Variants in ST6GALNAC3 observed in about 807,000 individuals in gnomAD.
ST6GALNAC3 encodes alpha-N-acetylgalactosaminide alpha-2,6-sialyltransferase 3.
ST6GALNAC3 carries 25 observed loss-of-function variants against 32.7 expected under a neutral mutation model. That is an observed-to-expected ratio of 0.76 (90% CI 0.56 to 1.07). The LOEUF is 1.07. ST6GALNAC3 is among the 50% of genes least tolerant of loss of function. The pLI, the probability that ST6GALNAC3 is intolerant of heterozygous loss-of-function variation, is 0.00. For missense variants in ST6GALNAC3, 355 were observed against 382.4 expected, an observed-to-expected ratio of 0.93 and a Z score of 0.60; for synonymous variants, 129 against 133.1, an observed-to-expected ratio of 0.97 and a Z score of 0.21.
chr1:76,398,916 A>T (rs1653193816), intron 2 of ST6GALNAC3, among the ~76,000 whole-genome samples: 1 of 152,140 alleles, frequency 6.6e-6, no homozygotes, highest in Non-Finnish European at 1.5e-5. Context: ...TCTTAATTTC[A>T]GGTAACCTGG....
intron 1 of ST6GALNAC3, among the ~76,000 whole-genome samples, chr1:76,140,602 CTCTT>C (rs1228813455): frequency 1.2e-3 from 181 of 148,872 alleles, no homozygotes; most frequent in Non-Finnish European, 1.6e-3. Flanking sequence ...AAGACTGGGG[CTCTT>C]TCTTTCTTTC....
chr1:76,372,698 T>C (rs933085589), intron 2 of ST6GALNAC3, among the ~76,000 whole-genome samples: 2 of 152,180 alleles, frequency 1.3e-5, no homozygotes, highest in African/African-American at 4.8e-5. Flanking sequence ...AGCATTCATT[T>C]CCATGGCATG....
chr1:76,532,872 TTTTTTAAAAA>T (rs1663346959), intron 3 of ST6GALNAC3, among the ~76,000 whole-genome samples: 1 of 6,938 alleles, frequency 1.4e-4, no homozygotes, highest in African/African-American at 2.0e-4. Flanking sequence ...GAATAATGCT[TTTTTTAAAAA>T]TATCACCAAT....
At chr1:76,560,028 A>G (rs1057029489) in intron 3 of ST6GALNAC3, among the ~76,000 whole-genome samples, 8 of 152,274 alleles carry the variant, frequency 5.3e-5, no homozygotes, top group Admixed American at 4.6e-4. Flanking sequence ...AAACAAATCC[A>G]TGCACCTAAA....
intron 3 of ST6GALNAC3, chr1:76,412,908 A>T (rs1325002752): frequency 3.9e-6 from 1 of 257,008 alleles, no homozygotes; most frequent in Non-Finnish European, 7.8e-6. Flanking sequence ...GATCCTGAAC[A>T]TCATAACTTG....
At chr1:76,524,337 C>G (rs1370418724) in intron 3 of ST6GALNAC3, among the ~76,000 whole-genome samples, 1 of 152,044 alleles carries the variant, frequency 6.6e-6, no homozygotes, top group Non-Finnish European at 1.5e-5. Context: ...AACTAGAACC[C>G]CCAGGGCATT....
At chr1:76,256,751 T>C (rs1047680022) in intron 1 of ST6GALNAC3, among the ~76,000 whole-genome samples, 1 of 151,992 alleles carries the variant, frequency 6.6e-6, no homozygotes, top group African/African-American at 2.4e-5. Flanking sequence ...TTTTTCCTTT[T>C]TGGTCTTCAG....
intron 1 of ST6GALNAC3, among the ~76,000 whole-genome samples, chr1:76,248,163 A>G (rs1456078195): frequency 2.6e-5 from 4 of 152,030 alleles, no homozygotes; most frequent in Non-Finnish European, 5.9e-5. Flanking sequence ...AGACCCATTG[A>G]GATGAACTGG....
At chr1:76,516,353 T>C (rs752565594) in intron 3 of ST6GALNAC3, among the ~76,000 whole-genome samples, 1 of 152,244 alleles carries the variant, frequency 6.6e-6, no homozygotes, top group Non-Finnish European at 1.5e-5. Flanking sequence ...TTGCTTTTGA[T>C]GAGCATATGC....
intron 1 of ST6GALNAC3, among the ~76,000 whole-genome samples, chr1:76,288,416 C>T (rs533856257): frequency 6.6e-6 from 1 of 152,324 alleles, no homozygotes; most frequent in Non-Finnish European, 1.5e-5. Flanking sequence ...GTCTCCTCAT[C>T]CCTGGAGGCA....
chr1:76,380,238 C>T (rs887115563), intron 2 of ST6GALNAC3, among the ~76,000 whole-genome samples: 1 of 152,090 alleles, frequency 6.6e-6, no homozygotes, highest in Non-Finnish European at 1.5e-5. Flanking sequence ...CATCACTCAT[C>T]AGGGTAGTGC....
intron 3 of ST6GALNAC3, among the ~76,000 whole-genome samples, chr1:76,623,776 T>C (rs1261078867): frequency 2.0e-5 from 3 of 152,012 alleles, no homozygotes; most frequent in African/African-American, 7.2e-5. Context: ...TGTGTGTAAT[T>C]TATAATTTCT....
intron 3 of ST6GALNAC3, among the ~76,000 whole-genome samples, chr1:76,470,576 G>A (rs1008915959): frequency 1.3e-5 from 2 of 152,064 alleles, no homozygotes; most frequent in African/African-American, 4.8e-5. Flanking sequence ...ATTTTCTCCT[G>A]TGTTGTCTCC....
chr1:76,409,235 C>A (rs1468366729), intron 2 of ST6GALNAC3, among the ~76,000 whole-genome samples: 2 of 152,034 alleles, frequency 1.3e-5, no homozygotes, highest in African/African-American at 4.8e-5. Context: ...GGTGCCTGGA[C>A]CACCTGCTAC....
intron 3 of ST6GALNAC3, among the ~76,000 whole-genome samples, chr1:76,597,151 C>T (rs1287602861): frequency 6.6e-6 from 1 of 152,172 alleles, no homozygotes; most frequent in East Asian, 1.9e-4. Flanking sequence ...ATGACACTCT[C>T]ATCCAGAACT....
intron 3 of ST6GALNAC3, among the ~76,000 whole-genome samples, chr1:76,511,114 G>T (rs1477398887): frequency 6.6e-6 from 1 of 151,782 alleles, no homozygotes; most frequent in Non-Finnish European, 1.5e-5. Context: ...AGGACATCAG[G>T]GTCTTTTGCC....
chr1:76,478,982 C>G (rs1031636805), intron 3 of ST6GALNAC3, among the ~76,000 whole-genome samples: 43 of 151,982 alleles, frequency 2.8e-4, no homozygotes, highest in African/African-American at 9.4e-4. Flanking sequence ...ACAGGATGGT[C>G]TCGATCTCCT....
At chr1:76,253,187 A>C in intron 1 of ST6GALNAC3, among the ~76,000 whole-genome samples, 1 of 152,264 alleles carries the variant, frequency 6.6e-6, no homozygotes, top group South Asian at 2.1e-4. Context: ...TTTTGTCTTT[A>C]AAAAATCCCA....
At chr1:76,256,465 C>T (rs1056781081) in intron 1 of ST6GALNAC3, among the ~76,000 whole-genome samples, 2 of 152,106 alleles carry the variant, frequency 1.3e-5, no homozygotes, top group African/African-American at 4.8e-5. Flanking sequence ...TTGCTTCCAA[C>T]AGGGTAGGTG....
Sources: gnomAD v4.1 joint callset for allele counts (sites outside exome capture counted in the v4.1 genomes callset) on GRCh38, gnomAD v4.1.1 for gene constraint, MANE v1.5 for transcripts, NCBI Gene and HGNC (gene_info 2026-07-23, HGNC 2026-07-21) for gene names.